ST8SIA4: variants seen among roughly 807,000 people sequenced by gnomAD.
ST8SIA4 encodes ST8 alpha-N-acetyl-neuraminide alpha-2,8-sialyltransferase 4, also known as CMP-N-acetylneuraminate-poly-alpha-2,8-sialyltransferase.
ST8SIA4 carries 15 observed loss-of-function variants against 33.9 expected under a neutral mutation model. The ratio of observed to expected loss-of-function variants is 0.44; its 90% CI spans 0.30 to 0.68. The LOEUF (loss-of-function observed/expected upper bound fraction) is 0.68, where lower values mean the gene tolerates loss of function less well. Among genes scored for constraint, ST8SIA4 ranks in the 30% least tolerant of loss-of-function variants. The pLI, the probability that ST8SIA4 is intolerant of heterozygous loss-of-function variation, is 0.10. For missense variants in ST8SIA4, 321 were observed against 428.0 expected, an observed-to-expected ratio of 0.75 and a Z score of 2.21; for synonymous variants, 171 against 151.2, an observed-to-expected ratio of 1.13 and a Z score of -0.96.
At chr5:100,835,596 T>C (rs1334364937) in intron 4 of ST8SIA4, among the ~76,000 whole-genome samples, 5 of 152,182 alleles carry the variant, frequency 3.3e-5, no homozygotes, top group African/African-American at 4.8e-5. Context: ...ATTGTACTTG[T>C]CACTCCTGTG....
chr5:100,891,046 C>T (rs144232215), intron 2 of ST8SIA4, among the ~76,000 whole-genome samples: 12 of 151,870 alleles, frequency 7.9e-5, no homozygotes, highest in Admixed American at 2.0e-4. Context: ...AGTTTTCACT[C>T]GTGAAATGTT....
intron 4 of ST8SIA4, among the ~76,000 whole-genome samples, chr5:100,829,061 G>A (rs994216207): frequency 6.6e-6 from 1 of 152,224 alleles, no homozygotes; most frequent in South Asian, 2.1e-4. Flanking sequence ...ATATTCGCAA[G>A]TCACATATCT....
At chr5:100,836,733 A>G (rs916091094) in intron 4 of ST8SIA4, among the ~76,000 whole-genome samples, 10 of 152,170 alleles carry the variant, frequency 6.6e-5, no homozygotes, top group African/African-American at 2.2e-4. Flanking sequence ...AACTTGAATT[A>G]TTCATAATTT....
intron 1 of ST8SIA4, among the ~76,000 whole-genome samples, chr5:100,902,505 TAA>T (rs1752942739): frequency 6.6e-6 from 1 of 152,224 alleles, no homozygotes; most frequent in African/African-American, 2.4e-5. Context: ...GTTTGGTGAA[TAA>T]AGACATTTCT....
chr5:100,865,312 A>C (rs1238362519), intron 3 of ST8SIA4, among the ~76,000 whole-genome samples: 1 of 152,210 alleles, frequency 6.6e-6, no homozygotes, highest in Non-Finnish European at 1.5e-5. Context: ...AATAACAAGA[A>C]ATTGTCAGAT....
At chr5:100,820,540 A>G (rs980022990) in intron 4 of ST8SIA4, among the ~76,000 whole-genome samples, 6 of 152,136 alleles carry the variant, frequency 3.9e-5, no homozygotes, top group African/African-American at 1.4e-4. Flanking sequence ...AATGCTTGAT[A>G]ATCTGAAAGT....
chr5:100,838,647 G>T (rs200850494), intron 4 of ST8SIA4, among the ~76,000 whole-genome samples: 1 of 91,144 alleles, frequency 1.1e-5, no homozygotes, highest in Non-Finnish European at 3.2e-5. Context: ...CAAATTAAAA[G>T]TCACTATATT....
chr5:100,871,119 T>G lies in ST8SIA4; in HGVS notation c.504-14723A>C, dbSNP rs77688128. Among the ~76,000 whole-genome samples the G allele has an allele frequency of 1.7e-3, 254 of 152,220 alleles. 1 individual carries two copies. Among genetic ancestry groups the G allele is most frequent in the Non-Finnish European group, 2.8e-3 (188 of 67,952 alleles). On this transcript the variant is annotated intron_variant, in intron 3 of 4. Transcript: ENST00000231461. Reference sequence around the variant, plus strand: ...CATATCCTCTGTGAGAGTAGAAGGATAAAGTCTTAAGGCCATTCATTGTGA... The same window carrying G: ...CATATCCTCTGTGAGAGTAGAAGGAGAAAGTCTTAAGGCCATTCATTGTGA...
intron 4 of ST8SIA4, among the ~76,000 whole-genome samples, chr5:100,814,312 T>A (rs984446193): frequency 1.3e-5 from 2 of 152,050 alleles, no homozygotes; most frequent in Non-Finnish European, 2.9e-5. Flanking sequence ...GTAGAGTGAC[T>A]TTAAAAACTT....
intron 4 of ST8SIA4, chr5:100,849,540 G>A (rs1751641790): frequency 3.7e-6 from 3 of 802,008 alleles, no homozygotes; most frequent in Non-Finnish European, 4.5e-6. Context: ...CCCGCACTTT[G>A]GGAGGCTAAG....
chr5:100,849,164 AG>A (rs1751632518), intron 4 of ST8SIA4: 1 of 985,198 alleles, frequency 1.0e-6, no homozygotes, highest in Non-Finnish European at 1.2e-6. Context: ...TAAGGACAAG[AG>A]TTTTTTTGTG....
At chr5:100,885,742 C>T in intron 3 of ST8SIA4, 1 of 942,542 alleles carries the variant, frequency 1.1e-6, no homozygotes, top group Non-Finnish European at 1.3e-6. Flanking sequence ...ACACACAATT[C>T]ATCAAATATC....
chr5:100,812,163 G>A, intron 4 of ST8SIA4, 34 bp from the exon 5 acceptor site: 1 of 1,585,818 alleles, frequency 6.3e-7, no homozygotes, highest in African/African-American at 1.4e-5. Flanking sequence ...AAGAAGAGAA[G>A]AATTTAGACA....
intron 4 of ST8SIA4, among the ~76,000 whole-genome samples, chr5:100,853,508 T>C (rs1054514119): frequency 9.8e-5 from 15 of 152,308 alleles, no homozygotes; most frequent in African/African-American, 3.6e-4. Flanking sequence ...GTTTAGAAAA[T>C]ATGCCTAATT....
At position 100,856,198 on chromosome 5, in the gene ST8SIA4, C is replaced by G; in HGVS notation, c.702G>C (p.Glu234Asp). Residue 234 changes from glutamate to aspartate, a missense_variant, in exon 4 of 5, where the codon GAG becomes GAC. Transcript: ENST00000231461. ...WIPAFMVKGG[E>D]KHVEWVNALI... Reference sequence around the variant, plus strand: ...ATGCATTAACCCACTCCACGTGCTTCTCTCCTCCTTTGACCATGAAAGCAG... The same window carrying G: ...ATGCATTAACCCACTCCACGTGCTTGTCTCCTCCTTTGACCATGAAAGCAG... The G allele has an allele frequency of 1.9e-6, 3 of 1,614,136 alleles. No individual in the cohort carries two copies. The highest frequency in any genetic ancestry group is 2.5e-6 in the Non-Finnish European group (3 of 1,179,986).
intron 4 of ST8SIA4, among the ~76,000 whole-genome samples, chr5:100,847,658 C>T (rs1170748795): frequency 6.6e-6 from 1 of 152,012 alleles, no homozygotes; most frequent in Non-Finnish European, 1.5e-5. Flanking sequence ...AAATATTCTA[C>T]CAAAGCAACT....
chr5:100,860,838 A>T (rs1186410285), intron 3 of ST8SIA4, among the ~76,000 whole-genome samples: 1 of 152,156 alleles, frequency 6.6e-6, no homozygotes, highest in East Asian at 1.9e-4. Flanking sequence ...TCTATCATTT[A>T]TCCCTAGCTT....
chr5:100,866,993 A>G (rs190053152), intron 3 of ST8SIA4, among the ~76,000 whole-genome samples: 33 of 152,262 alleles, frequency 2.2e-4, no homozygotes, highest in Admixed American at 2.0e-3. Flanking sequence ...GACCATTAAG[A>G]ATTAGCATGT....
intron 4 of ST8SIA4, among the ~76,000 whole-genome samples, chr5:100,843,307 T>C (rs1474271530): frequency 6.6e-6 from 1 of 151,904 alleles, no homozygotes; most frequent in Non-Finnish European, 1.5e-5. Context: ...AACAATTTGA[T>C]GTTGACAATA....
Sources: allele counts gnomAD v4.1 joint callset (sites outside exome capture counted in the v4.1 genomes callset), GRCh38; gene constraint gnomAD v4.1.1; transcripts MANE v1.5; gene names NCBI Gene and HGNC (gene_info 2026-07-23, HGNC 2026-07-21).